Variants in GGTA1 observed in about 807,000 individuals in gnomAD.
The protein encoded by GGTA1 is glycoprotein alpha-galactosyltransferase 1 (inactive), also known as inactive N-acetyllactosaminide alpha-1,3-galactosyltransferase.
A neutral mutation model predicts 2.6 loss-of-function variants in GGTA1; 5 were observed. The observed-to-expected ratio is 1.92, with a 90% CI of 1.00 to 4.04. The LOEUF (loss-of-function observed/expected upper bound fraction) is 4.04, where lower values mean the gene tolerates loss of function less well. GGTA1 is among the 30% of genes most tolerant of loss of function. GGTA1 has a pLI of 0.00. For missense variants in GGTA1, 50 were observed against 16.7 expected, an observed-to-expected ratio of 2.99 and a Z score of -3.47; for synonymous variants, 17 against 5.0, an observed-to-expected ratio of 3.38 and a Z score of -3.19.
At chr9:121,481,439 C>T (rs1290541868) in intron 1 of GGTA1, among the ~76,000 whole-genome samples, 1 of 152,136 alleles carries the variant, frequency 6.6e-6, no homozygotes, top group Non-Finnish European at 1.5e-5. Context: ...GTAATCCCAG[C>T]ACTTTGGGAG....
chr9:121,458,987 A>G (rs1444690660), intron 5 of GGTA1, among the ~76,000 whole-genome samples: 1 of 152,204 alleles, frequency 6.6e-6, no homozygotes, highest in African/African-American at 2.4e-5. Context: ...CATTTCTATG[A>G]GTGGTTTAGC....
chr9:121,458,299 A>G (rs1057400455), intron 5 of GGTA1, among the ~76,000 whole-genome samples: 3 of 152,054 alleles, frequency 2.0e-5, no homozygotes, highest in Non-Finnish European at 4.4e-5. Context: ...GAGAAGACTT[A>G]AATTTGGTGC....
In GGTA1 at chr9:121,473,015, C is replaced by T. The variant is rs575039933; in HGVS notation, c.-9-5084G>A. Among the ~76,000 whole-genome samples, 46 of 152,164 alleles carry T rather than the reference C, an allele frequency of 3.0e-4. No individual in the cohort carries two copies. In the Middle Eastern group the frequency reaches 0.014, roughly 45 times the overall value. ...TGCCTGCTTTTTTGCTGTGGTCAAT[C>T]GTTACTCTTGTTTAAGACTTACAAT... On this transcript the variant is annotated intron_variant, in intron 1 of 5. Transcript: ENST00000481799.
chr9:121,457,078 A>C (rs1484455016), intron 5 of GGTA1, among the ~76,000 whole-genome samples: 3 of 152,212 alleles, frequency 2.0e-5, no homozygotes, highest in Non-Finnish European at 4.4e-5. Flanking sequence ...GCGGCTGTCG[A>C]GTGGAGAGAA....
At chr9:121,494,468 T>G (rs1828945728) in intron 1 of GGTA1, 1 of 152,244 alleles carries the variant, frequency 6.6e-6, no homozygotes, top group African/African-American at 2.4e-5. Flanking sequence ...ACAGCAGATA[T>G]TCACTTCTTC....
chr9:121,490,742 G>A (rs1202401519), intron 1 of GGTA1, among the ~76,000 whole-genome samples: 1 of 152,142 alleles, frequency 6.6e-6, no homozygotes, highest in African/African-American at 2.4e-5. Context: ...ACTGGTTCTG[G>A]CCAGCTTTGT....
intron 4 of GGTA1, 41 bp from the exon 5 acceptor site, chr9:121,460,260 G>T: frequency 2.2e-6 from 1 of 456,816 alleles, no homozygotes; most frequent in Middle Eastern, 3.2e-4. Flanking sequence ...GGCAGGGAAG[G>T]TGATTGCGGT....
chr9:121,447,472 G>A (rs1411920146), exon 8 of GGTA1: 2 of 152,558 alleles, frequency 1.3e-5, no homozygotes, highest in Non-Finnish European at 2.9e-5. Flanking sequence ...GGAATGCAGA[G>A]GACCCAGCTC....
chr9:121,495,681 TGC>T (rs1485571732), intron 1 of GGTA1, among the ~76,000 whole-genome samples: 6 of 152,236 alleles, frequency 3.9e-5, no homozygotes, highest in Non-Finnish European at 5.9e-5. Flanking sequence ...AATTACCCAA[TGC>T]AACTTCTAAT....
intron 1 of GGTA1, among the ~76,000 whole-genome samples, chr9:121,470,024 C>A (rs1299331327): frequency 4.6e-5 from 7 of 152,228 alleles, no homozygotes; most frequent in African/African-American, 1.7e-4. Context: ...CCTGACCACC[C>A]TTGTGTCTTT....
chr9:121,453,382 A>G (rs780888347), downstream of GGTA1, among the ~76,000 whole-genome samples: 6 of 152,226 alleles, frequency 3.9e-5, no homozygotes, highest in Non-Finnish European at 8.8e-5. Flanking sequence ...AGGAAGCTAT[A>G]ACAAAGCACA....
At position 121,460,140 on chromosome 9, in the gene GGTA1, G is replaced by C. The variant is rs532997022; in HGVS notation, c.262C>G (p.Gln88Glu). ...REETKGRKMTQQSFGYGTGLI... is the reference protein window; with the variant it reads ...REETKGRKMTEQSFGYGTGLI... ...CCAGTCCCATAGCCGAAGCTCTGTT[G>C]TGTCATTTTCCTTCCTTTGGTCTCC... Residue 88 changes from glutamine (Q) to glutamate (E), a missense_variant, in exon 5 of 6, where the codon CAA becomes GAA. Gln to Glu is a conservative substitution (Grantham distance 29). Coordinates refer to ENST00000481799, the MANE Select transcript of GGTA1 (RefSeq NM_001382585.1). 8 of 456,808 alleles carry C rather than the reference G, an allele frequency of 1.8e-5. No individual in the cohort carries two copies. In the Admixed American group the frequency reaches 1.9e-4, roughly 11 times the overall value. The allele number at this position is 456,808 out of a possible 1,614,324, so 28.3% of individuals were successfully genotyped here.
chr9:121,465,586 A>G (rs2064999806), intron 2 of GGTA1, among the ~76,000 whole-genome samples: 1 of 109,928 alleles, frequency 9.1e-6, no homozygotes, highest in Admixed American at 8.7e-5. Flanking sequence ...TGTCCTTACA[A>G]GAAGAGGAAG....
At chr9:121,460,003 T>C in intron 5 of GGTA1, 101 bp downstream of exon 5, 7 of 405,620 alleles carry the variant, frequency 1.7e-5, no homozygotes, top group South Asian at 1.3e-4. Context: ...CTCTTTCTCC[T>C]AAATCAGGAA....
chr9:121,454,575 T>A (rs569365569), downstream of GGTA1, among the ~76,000 whole-genome samples: 61 of 152,268 alleles, frequency 4.0e-4, no homozygotes, highest in African/African-American at 1.2e-3. Context: ...AAGCTGGGAT[T>A]TAAACAAGAT....
At chr9:121,463,363 T>C (rs2064976612) in intron 2 of GGTA1, 35 bp from the exon 3 acceptor site, 1 of 451,934 alleles carries the variant, frequency 2.2e-6, no homozygotes. Context: ...CATATCATGT[T>C]ACTTTTAATT....
chr9:121,464,988 C>CAAAAAAAAAAA (rs1325681219), intron 2 of GGTA1, among the ~76,000 whole-genome samples: 8 of 121,962 alleles, frequency 6.6e-5, no homozygotes, highest in Non-Finnish European at 8.9e-5. Context: ...CGTAAAGTGG[C>CAAAAAAAAAAA]AAAAAAACAA....
chr9:121,459,460 A>G (rs1214761471), intron 5 of GGTA1, among the ~76,000 whole-genome samples: 1 of 152,064 alleles, frequency 6.6e-6, no homozygotes, highest in Non-Finnish European at 1.5e-5. Context: ...TTAAAAATCA[A>G]ATGAAAAAAA....
chr9:121,473,880 T>G (rs1828447187), intron 1 of GGTA1, among the ~76,000 whole-genome samples: 1 of 140,292 alleles, frequency 7.1e-6, no homozygotes, highest in Non-Finnish European at 1.5e-5. Context: ...ATCAAGCCAC[T>G]GCACTGCAGC....
Sources: allele counts gnomAD v4.1 joint callset (sites outside exome capture counted in the v4.1 genomes callset), GRCh38; gene constraint gnomAD v4.1.1; transcripts MANE v1.5; gene names NCBI Gene and HGNC (gene_info 2026-07-23, HGNC 2026-07-21).